The following THSD7B variants were observed in gnomAD, a reference collection of about 807,000 sequenced individuals.
THSD7B encodes thrombospondin type-1 domain-containing protein 7B.
In THSD7B, 138 loss-of-function variants were observed where a neutral mutation model predicts 213.6. The ratio of observed to expected loss-of-function variants is 0.65; its 90% CI spans 0.56 to 0.74. The LOEUF is 0.74. THSD7B is among the 30% of genes least tolerant of loss of function. THSD7B has a pLI of 0.00. For synonymous variants in THSD7B, 742 were observed against 687.0 expected (o/e 1.08, Z -1.25); for missense variants, 1,931 against 1,991.5 (o/e 0.97, Z 0.58).
At chr2:137,276,258 A>T (rs944751040) in intron 12 of THSD7B, among the ~76,000 whole-genome samples, 3 of 143,278 alleles carry the variant, frequency 2.1e-5, no homozygotes, top group Admixed American at 2.1e-4. Flanking sequence ...ATAAGCAAAT[A>T]TCTGTTCTCG....
intron 15 of THSD7B, among the ~76,000 whole-genome samples, chr2:137,493,595 G>C (rs781567336): frequency 2.6e-5 from 4 of 152,140 alleles, no homozygotes; most frequent in African/African-American, 4.8e-5. Flanking sequence ...AATGCCTGGT[G>C]GTAAAGGTTA....
intron 1 of THSD7B, among the ~76,000 whole-genome samples, chr2:136,824,679 GTCTTC>G (rs1213365428): frequency 1.3e-5 from 2 of 152,150 alleles, no homozygotes; most frequent in East Asian, 3.9e-4. Context: ...TACATGGAGT[GTCTTC>G]TCTTTGCTGA....
intron 5 of THSD7B, among the ~76,000 whole-genome samples, chr2:137,142,802 A>T (rs935866851): frequency 1.3e-5 from 2 of 152,102 alleles, no homozygotes; most frequent in South Asian, 4.1e-4. Context: ...TTTATGTTAT[A>T]TGACATTTAT....
chr2:137,176,246 A>G (rs1217088689), intron 7 of THSD7B, among the ~76,000 whole-genome samples: 1 of 152,208 alleles, frequency 6.6e-6, no homozygotes, highest in Non-Finnish European at 1.5e-5. Flanking sequence ...TAAAGTTAAA[A>G]TGTGGATTTT....
chr2:137,160,361 G>C lies in THSD7B; in HGVS notation c.1518G>C (p.Gly506=), dbSNP rs1558942250. 1 of 1,609,554 alleles carries C rather than the reference G, an allele frequency of 6.2e-7. No homozygotes were observed. Among genetic ancestry groups the C allele is most frequent in the Non-Finnish European group, 8.5e-7 (1 of 1,178,274 alleles). Residue 506 remains glycine (G), a synonymous_variant, in exon 6 of 28, where the codon GGG becomes GGC. Transcript: ENST00000409968. ...CIHENCHDPQ[G]KKGFRTRQRH... is the part of the protein sequence containing the mutation. ...ATGAAAACTGTCATGATCCTCAGGG[G>C]AAAAAAGGTGAGTGCCTTGTTTGCA...
intron 12 of THSD7B, among the ~76,000 whole-genome samples, chr2:137,291,640 G>A (rs916447097): frequency 2.6e-5 from 4 of 152,144 alleles, no homozygotes; most frequent in Non-Finnish European, 5.9e-5. Flanking sequence ...GTAATGGAAA[G>A]GGGAACTGTG....
intron 17 of THSD7B, among the ~76,000 whole-genome samples, chr2:137,591,607 A>T (rs1039981631): frequency 6.6e-6 from 1 of 151,894 alleles, no homozygotes; most frequent in Non-Finnish European, 1.5e-5. Flanking sequence ...AATTGGTTCC[A>T]TGTATTATGT....
chr2:137,568,831 C>T (rs926488255), intron 16 of THSD7B, among the ~76,000 whole-genome samples: 1 of 152,100 alleles, frequency 6.6e-6, no homozygotes, highest in South Asian at 2.1e-4. Context: ...GTGGGGACAC[C>T]AAGCCTAACC....
At chr2:137,388,193 T>C (rs958875986) in intron 12 of THSD7B, among the ~76,000 whole-genome samples, 4 of 151,918 alleles carry the variant, frequency 2.6e-5, no homozygotes, top group Admixed American at 1.3e-4. Context: ...TTCATAATAG[T>C]ACATACTTCC....
At chr2:137,309,595 C>T (rs892753167) in intron 12 of THSD7B, among the ~76,000 whole-genome samples, 6 of 151,790 alleles carry the variant, frequency 4.0e-5, no homozygotes, top group Non-Finnish European at 5.9e-5. Flanking sequence ...CATGCTGGTG[C>T]GCTGCACCCA....
At chr2:137,364,815 C>T (rs941073503) in intron 12 of THSD7B, among the ~76,000 whole-genome samples, 9 of 152,112 alleles carry the variant, frequency 5.9e-5, no homozygotes, top group Non-Finnish European at 1.2e-4. Context: ...GCCATACTGC[C>T]CAAGGTAATT....
At chr2:137,268,956 G>T (rs576379639) in intron 10 of THSD7B, among the ~76,000 whole-genome samples, 1 of 152,072 alleles carries the variant, frequency 6.6e-6, no homozygotes, top group South Asian at 2.1e-4. Flanking sequence ...ATAATTTGAG[G>T]CATTTACATC....
intron 12 of THSD7B, among the ~76,000 whole-genome samples, chr2:137,366,757 G>A (rs1007183441): frequency 4.6e-5 from 7 of 152,062 alleles, no homozygotes; most frequent in Non-Finnish European, 8.8e-5. Context: ...GAGGACTTAT[G>A]TAATTAAAGT....
chr2:137,475,654 C>T (rs1457775843), intron 15 of THSD7B, among the ~76,000 whole-genome samples: 3 of 152,082 alleles, frequency 2.0e-5, no homozygotes, highest in South Asian at 4.1e-4. Context: ...CTTCAAATGA[C>T]TTTATTTATG....
intron 15 of THSD7B, among the ~76,000 whole-genome samples, chr2:137,529,596 C>CTT (rs76753833): frequency 0.039 from 5,391 of 136,762 alleles, 346 homozygotes; most frequent in African/African-American, 0.13. Context: ...TTCTAAGAAT[C>CTT]TTTTTTTTTT....
intron 15 of THSD7B, among the ~76,000 whole-genome samples, chr2:137,509,180 C>A (rs1307142779): frequency 1.3e-5 from 2 of 152,198 alleles, no homozygotes; most frequent in South Asian, 2.1e-4. Context: ...ATTTGTCCTG[C>A]ACAACTTAAT....
intron 12 of THSD7B, among the ~76,000 whole-genome samples, chr2:137,383,963 G>A (rs1353552343): frequency 6.6e-6 from 1 of 152,110 alleles, no homozygotes; most frequent in East Asian, 1.9e-4. Flanking sequence ...GCAGCAACAG[G>A]AAACTAATAT....
intron 15 of THSD7B, among the ~76,000 whole-genome samples, chr2:137,460,172 C>A (rs1687856592): frequency 6.6e-6 from 1 of 152,144 alleles, no homozygotes; most frequent in Non-Finnish European, 1.5e-5. Context: ...CAGTGTCACC[C>A]ACTGGTACAT....
At chr2:137,079,365 G>A (rs1202829768) in intron 3 of THSD7B, among the ~76,000 whole-genome samples, 2 of 151,886 alleles carry the variant, frequency 1.3e-5, no homozygotes, top group South Asian at 2.1e-4. Context: ...TATTTTTCCA[G>A]CATCTTCTGT....
Sources: allele counts gnomAD v4.1 joint callset (sites outside exome capture counted in the v4.1 genomes callset), GRCh38; gene constraint gnomAD v4.1.1; transcripts MANE v1.5; gene names NCBI Gene and HGNC (gene_info 2026-07-23, HGNC 2026-07-21).